Variants in MMP10 observed in about 807,000 individuals in gnomAD.
The protein encoded by MMP10 is matrix metallopeptidase 10, also known as stromelysin-2.
Under a neutral mutation model 49.1 loss-of-function variants are expected in MMP10, and 50 were observed. That is an observed-to-expected ratio of 1.02 (90% CI 0.81 to 1.29). MMP10 has a LOEUF of 1.29. MMP10 is among the 50% of genes most tolerant of loss of function. The pLI, the probability that MMP10 is intolerant of heterozygous loss-of-function variation, is 0.00. For synonymous variants in MMP10, 229 were observed against 201.6 expected (o/e 1.14, Z -1.15); for missense variants, 613 against 563.8 (o/e 1.09, Z -0.88).
chr11:102,776,476 C>A, intron 5 of MMP10, 52 bp from the exon 6 acceptor site: 1 of 1,598,972 alleles, frequency 6.3e-7, no homozygotes, highest in Non-Finnish European at 8.5e-7. Flanking sequence ...TGTGATGCAT[C>A]TGTCAATTTG....
Position 102,780,623 on chromosome 11 carries a change from G to T in MMP10, c.-32C>A, listed in dbSNP as rs757110697. 1.3e-6 allele frequency: 2 copies of T among 1,590,700 alleles called. No individual in the cohort carries two copies. Among genetic ancestry groups the T allele is most frequent in the Non-Finnish European group, 1.7e-6 (2 of 1,162,330 alleles). On this transcript the variant is annotated 5_prime_UTR_variant, in exon 1 of 10. Transcript: ENST00000279441. The stretch of plus-strand genomic sequence containing the variant: ...TGCCCTTACCTTCTTTGTCTACTGG[G>T]CTTCTAGCTCTACCCCCTAGTGGCC...
Position 102,772,977 on chromosome 11 carries a change from C to A in MMP10, c.1096G>T (p.Glu366Ter). The change falls in exon 8 of 10, where the codon GAG (glutamate) becomes TAG (stop). Residue 366 changes from glutamate to a stop codon, truncating the protein, a stop_gained. Transcript: ENST00000279441. LOFTEE classifies it high-confidence loss of function. This position sits in a 1 kb window ranked among gnomAD's most constrained non-coding sequence, Gnocchi z 4.4. The part of the protein sequence containing the change: ...GNEFWAIRGN[E>*]VQAGYPRGIH... ...CCTCTTGGATAACCTGCTTGTACCTCATTTCCTCTGATGGCCCAGAACTCA... is the reference window on the plus strand; with the variant it reads ...CCTCTTGGATAACCTGCTTGTACCTAATTTCCTCTGATGGCCCAGAACTCA... 1 of 1,610,592 alleles carries A rather than the reference C, an allele frequency of 6.2e-7. No homozygotes were observed. The highest frequency in any genetic ancestry group is 1.1e-5 in the South Asian group (1 of 90,082).
In MMP10 at chr11:102,772,867, A is replaced by C. The variant is rs143648713; in HGVS notation, c.1206T>G (p.Phe402Leu). 5.9e-4 allele frequency: 959 copies of C among 1,612,434 alleles called. 7 individuals are homozygous for C. In the African/African-American group the frequency reaches 0.011, roughly 19 times the overall value. ...SDKEKKKTYF[F>L]AADKYWRFDE... Reference sequence around the variant, plus strand: ...CTCACCTCCAGTATTTGTCCGCTGCAAAGAAGTATGTTTTCTTCTTTTCCT... The same window carrying C: ...CTCACCTCCAGTATTTGTCCGCTGCCAAGAAGTATGTTTTCTTCTTTTCCT... Residue 402 changes from phenylalanine to leucine, a missense_variant, in exon 8 of 10, where the codon TTT becomes TTG. Physicochemically the swap from Phe to Leu is conservative, Grantham distance 22. Transcript: ENST00000279441. The surrounding 1 kb of genome is among the most constrained non-coding windows in gnomAD (Gnocchi z 4.4).
intron 1 of MMP10, 29 bp downstream of exon 1, chr11:102,780,458 T>C: frequency 1.3e-6 from 2 of 1,589,710 alleles, no homozygotes; most frequent in Non-Finnish European, 1.7e-6. Context: ...AGCTGGCCAG[T>C]AGCTGCAATA....
chr11:102,771,977 A>AT (rs946530844), intron 9 of MMP10, 35 bp downstream of exon 9: 2 of 1,136,856 alleles, frequency 1.8e-6, no homozygotes, highest in Non-Finnish European at 2.5e-6. Context: ...ATGCCTGGAG[A>AT]TTCCTGCATG....
chr11:102,775,872 A>G (rs550409126), intron 6 of MMP10, among the ~76,000 whole-genome samples: 1 of 150,216 alleles, frequency 6.7e-6, no homozygotes, highest in Non-Finnish European at 1.5e-5. Flanking sequence ...ATGATATTTT[A>G]AAAAAATGAA....
intron 9 of MMP10, 25 bp from the exon 10 acceptor site, chr11:102,770,918 A>T (rs1332001344): frequency 2.1e-6 from 3 of 1,435,194 alleles, no homozygotes; most frequent in Non-Finnish European, 9.8e-7. Flanking sequence ...AAGGAAAATG[A>T]TGAGACATCT....
At chr11:102,777,867 G>T (rs1857767998) in intron 4 of MMP10, among the ~76,000 whole-genome samples, 1 of 151,904 alleles carries the variant, frequency 6.6e-6, no homozygotes, top group South Asian at 2.1e-4. Flanking sequence ...GAGTACAGTG[G>T]TACAATCTCG....
chr11:102,776,109 C>A (rs17860976), intron 6 of MMP10, among the ~76,000 whole-genome samples, 171 bp downstream of exon 6: 2,857 of 151,922 alleles, frequency 0.019, 80 homozygotes, highest in African/African-American at 0.059. Flanking sequence ...ACTGGGGTGA[C>A]AAAATTATCT....
In MMP10 at chr11:102,780,510, C is replaced by T; in HGVS notation, c.82G>A (p.Asp28Asn). 6.2e-7 allele frequency: 1 copy of T among 1,613,972 alleles called. No individual in the cohort carries two copies. The highest frequency in any genetic ancestry group is 1.3e-5 in the African/African-American group (1 of 75,052). ...YPLSGAAKEE[D>N]SNKDLAQQYL... ...ACCTGGGCAAGATCCTTGTTGGAGT[C>T]CTCCTCTTTTGCTGCCCCACTCAGA... The change falls in exon 1 of 10, where the codon GAC becomes AAC. Residue 28 changes from aspartate to asparagine, a missense_variant. Asp to Asn is a conservative substitution (Grantham distance 23). Coordinates refer to ENST00000279441, the MANE Select transcript of MMP10 (RefSeq NM_002425.3).
rs147825425 is a variant in MMP10 at position 102,779,605 on chromosome 11, A to T, written c.246T>A (p.Thr82=). ...ACCTGGGCTTGCGCATCACCTCCAG[A>T]GTGTCAGTGTCTAGCTTCCCTGTCA... ...LEVTGKLDTD[T]LEVMRKPRCG... The change falls in exon 2 of 10, where the codon ACT becomes ACA. Residue 82 remains threonine (T), a synonymous_variant. Transcript: ENST00000279441. 13 of 1,613,938 alleles carry T rather than the reference A, an allele frequency of 8.1e-6. No individual in the cohort carries two copies. Among genetic ancestry groups the T allele is most frequent in the Middle Eastern group, 1.6e-4 (1 of 6,084 alleles).
chr11:102,771,223 G>C (rs1205447533), intron 9 of MMP10, among the ~76,000 whole-genome samples: 10 of 152,190 alleles, frequency 6.6e-5, no homozygotes, highest in Non-Finnish European at 1.2e-4. Context: ...GTTCTAAAGA[G>C]ATAAAATTCT....
At chr11:102,773,027 A>G (rs771970013) in intron 7 of MMP10, 21 bp from the exon 8 acceptor site, 5 of 1,574,270 alleles carry the variant, frequency 3.2e-6, no homozygotes, top group East Asian at 2.3e-5. Flanking sequence ...AATAAATCCA[A>G]GACATTTTAC....
At position 102,775,255 on chromosome 11, in the gene MMP10, G is replaced by C; in HGVS notation, c.999C>G (p.Pro333=). The change falls in exon 7 of 10, where the codon CCC becomes CCG. Residue 333 remains proline (P), a synonymous_variant. Transcript: ENST00000279441. ...CAGCATCCAAATATGATGGAAGAGA[G>C]GGCCAAAATGCAGAAATCAAATGAA... ...PEFHLISAFW[P]SLPSYLDAAY... 1 of 1,609,812 alleles carries C rather than the reference G, an allele frequency of 6.2e-7. No homozygotes were observed.
chr11:102,776,791 T>C lies in MMP10; in HGVS notation c.623-15A>G. The C allele has an allele frequency of 6.2e-7, 1 of 1,613,792 alleles. No individual in the cohort carries two copies. Among genetic ancestry groups the C allele is most frequent in the African/African-American group, 1.3e-5 (1 of 75,022 alleles). ...TAAATTGGTGCCTGTATGAAAATCA[T>C]AAATGTTCAGAATTCACCAGCTCTT... On this transcript the variant is annotated splice_polypyrimidine_tract_variant and intron_variant, in intron 4 of 9. Transcript: ENST00000279441.
Position 102,776,421 on chromosome 11 carries a change from G to C in MMP10, c.791C>G (p.Pro264Arg), listed in dbSNP as rs1390162638. The stretch of plus-strand genomic sequence containing the variant: ...GGGTTCCTCAGTAGAGGCAGGGGGA[G>C]GTCCTAAAGGAAACAGATTTGGGGA... The part of the protein sequence containing the change: ...DVNGIQSLYG[P>R]PPASTEEPLV... The change falls in exon 6 of 10, where the codon CCT becomes CGT. Residue 264 changes from proline (P) to arginine (R), a missense_variant. By Grantham distance (103) the Pro-to-Arg change is moderately radical. Coordinates refer to ENST00000279441, the MANE Select transcript of MMP10 (RefSeq NM_002425.3). 1 of 1,610,366 alleles carries C rather than the reference G, an allele frequency of 6.2e-7. No homozygotes were observed. Among genetic ancestry groups the C allele is most frequent in the African/African-American group, 1.3e-5 (1 of 74,678 alleles).
Position 102,772,876 on chromosome 11 carries a change from T to C in MMP10, c.1197A>G (p.Thr399=), listed in dbSNP as rs779207038. 3.7e-6 allele frequency: 6 copies of C among 1,613,438 alleles called. No homozygotes were observed. Among genetic ancestry groups the C allele is most frequent in the Non-Finnish European group, 2.5e-6 (3 of 1,179,734 alleles). The change falls in exon 8 of 10, where the codon ACA becomes ACG. Residue 399 remains threonine, a synonymous_variant. Transcript: ENST00000279441. The surrounding 1 kb of genome is among the most constrained non-coding windows in gnomAD (Gnocchi z 4.4). ...AAVSDKEKKK[T]YFFAADKYWR... The stretch of plus-strand genomic sequence containing the variant: ...AGTATTTGTCCGCTGCAAAGAAGTA[T>C]GTTTTCTTCTTTTCCTTGTCAGAAA...
rs1409805363 is a variant in MMP10 at position 102,770,892 on chromosome 11, T to C, written c.1332A>G (p.Gly444=). ...PKVDAVLQAF[G]FFYFFSGSSQ... The stretch of plus-strand genomic sequence containing the variant: ...ATGATCCACTGAAGAAGTAGAAAAA[T>C]CCTGTAAATATAGATAAGGAAAATG... Residue 444 remains glycine (G), a splice_region_variant and synonymous_variant, in exon 10 of 10, where the codon GGA becomes GGG. Coordinates refer to ENST00000279441, the MANE Select transcript of MMP10 (RefSeq NM_002425.3). 6.2e-7 allele frequency: 1 copy of C among 1,601,314 alleles called. No homozygotes were observed. The highest frequency in any genetic ancestry group is 2.2e-5 in the East Asian group (1 of 44,754).
Position 102,778,529 on chromosome 11 carries a change from T to A in MMP10, c.622+95A>T, listed in dbSNP as rs1011103292. On this transcript the variant is annotated intron_variant, in intron 4 of 9. Transcript: ENST00000279441. ...GGTAATAAAAAAATTCAGTTACTAGTATATTCGATTTATTGCTCGTTCTAG... is the reference window on the plus strand; with the variant it reads ...GGTAATAAAAAAATTCAGTTACTAGAATATTCGATTTATTGCTCGTTCTAG... 5 of 1,475,296 alleles carry A rather than the reference T, an allele frequency of 3.4e-6. No homozygotes were observed. In the Admixed American group the frequency reaches 6.5e-5, roughly 19 times the overall value. 91.4% of individuals were successfully genotyped at this position (1,475,296 alleles called of 1,614,324 possible).
Sources: allele counts gnomAD v4.1 joint callset (sites outside exome capture counted in the v4.1 genomes callset), GRCh38; gene constraint gnomAD v4.1.1; non-coding constraint Gnocchi (gnomAD v3.1); transcripts MANE v1.5; gene names NCBI Gene and HGNC (gene_info 2026-07-23, HGNC 2026-07-21).